Variants in BSN observed in about 807,000 individuals in gnomAD.
The protein encoded by BSN is protein bassoon.
A neutral mutation model predicts 264.8 loss-of-function variants in BSN; 57 were observed. The ratio of observed to expected loss-of-function variants is 0.22; its 90% CI spans 0.17 to 0.27. The LOEUF (loss-of-function observed/expected upper bound fraction) is 0.27, where lower values mean the gene tolerates loss of function less well. Among genes scored for constraint, BSN ranks in the 10% least tolerant of loss-of-function variants. The pLI is 1.00. For missense variants in BSN, 4,615 were observed against 5,232.5 expected (o/e 0.88, Z 3.64); for synonymous variants, 2,059 against 2,137.3 (o/e 0.96, Z 1.01).
Position 49,663,443 on chromosome 3 carries a change from C to T in BSN, c.11285C>T (p.Pro3762Leu). Reference protein sequence around the residue: ...AAPGPQQSQSPSSRQIPSGAA... With the variant: ...AAPGPQQSQSLSSRQIPSGAA... ...CCAGGACCACAGCAGTCACAGTCAC[C>T]ATCATCCAGGCAAATACCCTCTGGG... Residue 3762 changes from proline (P) to leucine (L), a missense_variant, in exon 7 of 12, where the codon CCA (proline) becomes CTA (leucine). Transcript: ENST00000296452. 6.2e-7 allele frequency: 1 copy of T among 1,613,058 alleles called. No homozygotes were observed. Among genetic ancestry groups the T allele is most frequent in the Non-Finnish European group, 8.5e-7 (1 of 1,180,006 alleles).
chr3:49,635,520 T>A (rs2052414562), intron 2 of BSN, among the ~76,000 whole-genome samples: 1 of 152,180 alleles, frequency 6.6e-6, no homozygotes, highest in African/African-American at 2.4e-5. Flanking sequence ...TTTTCAAGCC[T>A]ACAAAATTGT....
Position 49,655,084 on chromosome 3 carries a change from G to T in BSN, c.5528G>T (p.Arg1843Leu). The T allele has an allele frequency of 6.2e-7, 1 of 1,612,890 alleles. No homozygotes were observed. Among genetic ancestry groups the T allele is most frequent in the African/African-American group, 1.3e-5 (1 of 75,044 alleles). ...PVPEPGAEPH[R>L]ATPAELRSHA... is the part of the protein sequence containing the mutation. Reference sequence around the variant, plus strand: ...CCAGAGCCAGGTGCCGAGCCCCACCGGGCCACCCCTGCAGAGCTGCGGTCA... The same window carrying T: ...CCAGAGCCAGGTGCCGAGCCCCACCTGGCCACCCCTGCAGAGCTGCGGTCA... The change falls in exon 5 of 12, where the codon CGG becomes CTG. Residue 1843 changes from arginine to leucine, a missense_variant. By Grantham distance (102) the Arg-to-Leu change is moderately radical. Around this residue, in one of 3 missense-constraint regions of BSN, gnomAD observed 3,415 missense variants for 3,866.4 expected, o/e 0.88. Coordinates refer to ENST00000296452, the MANE Select transcript of BSN (RefSeq NM_003458.4).
intron 9 of BSN, 66 bp from the exon 10 acceptor site, chr3:49,664,733 A>G: frequency 6.3e-7 from 1 of 1,594,148 alleles, no homozygotes; most frequent in East Asian, 2.2e-5. Flanking sequence ...CACTATGCCA[A>G]GTGGCCCTGA....
chr3:49,662,986 C>T lies in BSN; in HGVS notation c.10828C>T (p.Arg3610Ter), dbSNP rs1399229458. 1.2e-6 allele frequency: 2 copies of T among 1,614,010 alleles called. No homozygotes were observed. Among genetic ancestry groups the T allele is most frequent in the Non-Finnish European group, 8.5e-7 (1 of 1,180,022 alleles). The change falls in exon 7 of 12, where the codon CGA becomes TGA. Residue 3610 changes from arginine (R) to a stop codon, truncating the protein, a stop_gained. Transcript: ENST00000296452. LOFTEE classifies it high-confidence loss of function. ...TGCAGTTTCCTCCTCCTCCCAGAAG[C>T]GAGGCCCTGCCAGGCACAGCTACCA... is the stretch of plus-strand genomic sequence containing the variant. Reference protein sequence around the residue: ...GHAVSSSSQKRGPARHSYHDY... With the variant: ...GHAVSSSSQK
At chr3:49,570,502 CAG>C (rs2051787653) in intron 1 of BSN, among the ~76,000 whole-genome samples, 1 of 152,206 alleles carries the variant, frequency 6.6e-6, no homozygotes, top group Non-Finnish European at 1.5e-5. Context: ...GCCGTGGAAA[CAG>C]AGACTGAAGA....
In BSN at chr3:49,663,848, C is replaced by T. The variant is rs1362823923; in HGVS notation, c.11570C>T (p.Ala3857Val). Residue 3857 changes from alanine to valine, a missense_variant, in exon 8 of 12, where the codon GCT becomes GTT. Ala to Val is a moderately conservative substitution (Grantham distance 64). Around this residue, in one of 3 missense-constraint regions of BSN, gnomAD observed 3,415 missense variants for 3,866.4 expected, o/e 0.88. Coordinates refer to ENST00000296452, the MANE Select transcript of BSN (RefSeq NM_003458.4). Reference sequence around the variant, plus strand: ...GCCAAAGCACCGCAACAGGGGAGGGCTCCTCAGGCCCAGCCAGCACCAGGA... The same window carrying T: ...GCCAAAGCACCGCAACAGGGGAGGGTTCCTCAGGCCCAGCCAGCACCAGGA... Reference protein sequence around the residue: ...GTAKAPQQGRAPQAQPAPGPG... With the variant: ...GTAKAPQQGRVPQAQPAPGPG... 6.2e-7 allele frequency: 1 copy of T among 1,613,978 alleles called. No homozygotes were observed. The highest frequency in any genetic ancestry group is 8.5e-7 in the Non-Finnish European group (1 of 1,180,036).
intron 1 of BSN, among the ~76,000 whole-genome samples, chr3:49,555,622 C>T (rs1054986582): frequency 6.6e-6 from 1 of 152,162 alleles, no homozygotes; most frequent in African/African-American, 2.4e-5. Flanking sequence ...GTATGCCAAC[C>T]CAGGTCCTGC....
intron 3 of BSN, among the ~76,000 whole-genome samples, chr3:49,646,284 C>T (rs1300669433): frequency 6.6e-6 from 1 of 152,126 alleles, no homozygotes; most frequent in Non-Finnish European, 1.5e-5. Flanking sequence ...GATAATAGTA[C>T]TCTCTGGCTT....
At position 49,557,952 on chromosome 3, in the gene BSN, A is replaced by T. The variant is rs1183384756; in HGVS notation, c.224+3126A>T. On this transcript the variant is annotated intron_variant, in intron 1 of 11. Transcript: ENST00000296452. ...TCAGCTGTCAAGAGCAAGCACAGTTATTGGCTTTGTGGATGGTATGGAAAG... is the reference window on the plus strand; with the variant it reads ...TCAGCTGTCAAGAGCAAGCACAGTTTTTGGCTTTGTGGATGGTATGGAAAG... Among the ~76,000 whole-genome samples the T allele has an allele frequency of 2.0e-5, 3 of 152,132 alleles. No homozygotes were observed. In the East Asian group the frequency reaches 5.8e-4, roughly 29 times the overall value.
chr3:49,614,167 C>G (rs1193143479), intron 1 of BSN, among the ~76,000 whole-genome samples: 1 of 145,928 alleles, frequency 6.9e-6, no homozygotes, highest in Non-Finnish European at 1.5e-5. Context: ...TCATGCCATT[C>G]TCCTGTCTCA....
rs548694507 is a variant in BSN, at chr3:49,596,398, C to T, written c.225-28577C>T. 5.3e-5 allele frequency among the ~76,000 whole-genome samples: 8 copies of T among 152,070 alleles called. No individual in the cohort carries two copies. In the South Asian group the frequency reaches 6.2e-4, roughly 12 times the overall value. On this transcript the variant is annotated intron_variant, in intron 1 of 11. Transcript: ENST00000296452. ...CAGCCTGGGTGACAGAGCGAGACTC[C>T]GTCTCAAAAACAAAAAAAGTATAAT...
chr3:49,591,580 T>G (rs2051977818), intron 1 of BSN, among the ~76,000 whole-genome samples: 1 of 152,124 alleles, frequency 6.6e-6, no homozygotes, highest in South Asian at 2.1e-4. Flanking sequence ...CTAATCTATT[T>G]CTTCCAGATT....
chr3:49,643,136 C>T lies in BSN; in HGVS notation c.1502C>T (p.Thr501Ile), dbSNP rs757717487. ...QVCNLCGFNPTPHLVEKTEWL... is the reference protein window; with the variant it reads ...QVCNLCGFNPIPHLVEKTEWL... ...TGCAACCTGTGTGGCTTCAACCCAA[C>T]ACCCCACCTGGTGGAGGTAAGAGCT... The change falls in exon 3 of 12, where the codon ACA becomes ATA. Residue 501 changes from threonine to isoleucine, a missense_variant. Physicochemically the swap from Thr to Ile is moderately conservative, Grantham distance 89 (BLOSUM62 -1). This residue lies in a region of BSN where 1,197 missense variants were observed against 1,348.0 expected (regional missense o/e 0.89). Coordinates refer to ENST00000296452, the MANE Select transcript of BSN (RefSeq NM_003458.4). 16 of 1,608,980 alleles carry T rather than the reference C, an allele frequency of 9.9e-6. No homozygotes were observed. The Admixed American group carries it at 2.7e-4, about 27-fold the overall frequency.
chr3:49,612,966 C>G (rs1203379601), intron 1 of BSN, among the ~76,000 whole-genome samples: 2 of 152,126 alleles, frequency 1.3e-5, no homozygotes, highest in Non-Finnish European at 2.9e-5. Context: ...AACCCCGTCT[C>G]TACTAAAAAT....
At chr3:49,588,946 G>T (rs1490653333) in intron 1 of BSN, among the ~76,000 whole-genome samples, 2 of 149,178 alleles carry the variant, frequency 1.3e-5, no homozygotes, top group Admixed American at 6.7e-5. Context: ...ACAGAGTCTC[G>T]CTCTGTCGCC....
intron 1 of BSN, among the ~76,000 whole-genome samples, chr3:49,566,167 C>T (rs549636236): frequency 2.6e-5 from 4 of 152,326 alleles, no homozygotes; most frequent in South Asian, 4.1e-4. Context: ...ATCCAAACAA[C>T]GTCTACATAT....
chr3:49,579,207 T>C (rs2051873818), intron 1 of BSN, among the ~76,000 whole-genome samples: 1 of 151,832 alleles, frequency 6.6e-6, no homozygotes, highest in Admixed American at 6.6e-5. Flanking sequence ...CAGGCTGGTC[T>C]CAAATTCATG....
Position 49,657,173 on chromosome 3 carries a change from A to G in BSN, c.7617A>G (p.Ser2539=). 2 of 1,613,310 alleles carry G rather than the reference A, an allele frequency of 1.2e-6. No homozygotes were observed. The highest frequency in any genetic ancestry group is 8.5e-7 in the Non-Finnish European group (1 of 1,180,030). ...RGLPSSASDM[S]LQTEEQWEAS... is the part of the protein sequence containing the mutation. ...TCCCCAGCTCTGCCTCAGACATGTCACTGCAAACGGAGGAGCAGTGGGAGG... is the reference window on the plus strand; with the variant it reads ...TCCCCAGCTCTGCCTCAGACATGTCGCTGCAAACGGAGGAGCAGTGGGAGG... The change falls in exon 5 of 12, where the codon TCA becomes TCG. Residue 2539 remains serine (S), a synonymous_variant. Coordinates refer to ENST00000296452, the MANE Select transcript of BSN (RefSeq NM_003458.4).
chr3:49,593,635 T>C (rs1036144574), intron 1 of BSN, among the ~76,000 whole-genome samples: 2 of 152,174 alleles, frequency 1.3e-5, no homozygotes, highest in African/African-American at 4.8e-5. Context: ...ATTTCCATAA[T>C]GGCTAATGAT....
Sources: gnomAD v4.1 joint callset for allele counts (sites outside exome capture counted in the v4.1 genomes callset) on GRCh38, gnomAD v4.1.1 for gene constraint, gnomAD v4.1.1 regional missense constraint, MANE v1.5 for transcripts, NCBI Gene and HGNC (gene_info 2026-07-23, HGNC 2026-07-21) for gene names.